Variants in SHMT1 observed in about 807,000 individuals in gnomAD.
SHMT1 encodes the protein serine hydroxymethyltransferase, cytosolic.
SHMT1 carries 45 observed loss-of-function variants against 49.0 expected under a neutral mutation model. That is an observed-to-expected ratio of 0.92 (90% CI 0.72 to 1.18). The LOEUF is 1.18. Ranked by LOEUF, SHMT1 falls within the 50% of genes most tolerant of loss-of-function variation. SHMT1 has a pLI of 0.00. For synonymous variants in SHMT1, 232 were observed against 246.6 expected (o/e 0.94, Z 0.55); for missense variants, 541 against 612.4 (o/e 0.88, Z 1.23).
intron 5 of SHMT1, chr17:18,341,679 A>G (rs1984539365): frequency 6.6e-6 from 1 of 152,362 alleles, no homozygotes; most frequent in African/African-American, 2.4e-5. Context: ...CAAAAAGTAT[A>G]TAAAAGCAAG....
chr17:18,350,838 T>A (rs1424313979), intron 3 of SHMT1, among the ~76,000 whole-genome samples: 4 of 151,342 alleles, frequency 2.6e-5, no homozygotes, highest in Non-Finnish European at 5.9e-5. Context: ...GTTCAAGCGA[T>A]TCTCCTACCT....
At chr17:18,339,622 A>G (rs1464410694) in intron 7 of SHMT1, among the ~76,000 whole-genome samples, 1 of 151,102 alleles carries the variant, frequency 6.6e-6, no homozygotes, top group Non-Finnish European at 1.5e-5. Flanking sequence ...GTACAGTGGC[A>G]CAATCTCAGC....
intron 5 of SHMT1, among the ~76,000 whole-genome samples, chr17:18,346,167 C>G (rs1262735385): frequency 6.6e-6 from 1 of 152,072 alleles, no homozygotes; most frequent in Non-Finnish European, 1.5e-5. Flanking sequence ...GAACCATGGA[C>G]AGCATGCACC....
At chr17:18,339,804 C>A (rs1278868372) in intron 7 of SHMT1, among the ~76,000 whole-genome samples, 2 of 152,194 alleles carry the variant, frequency 1.3e-5, no homozygotes, top group Non-Finnish European at 2.9e-5. Context: ...TCGTGATCTG[C>A]CCGCTTCGGC....
chr17:18,340,238 G>A lies in SHMT1; in HGVS notation c.619C>T (p.Arg207Ter), dbSNP rs748683840. 10 of 1,613,958 alleles carry A rather than the reference G, an allele frequency of 6.2e-6. No individual in the cohort carries two copies. The East Asian group carries it at 6.7e-5, about 11-fold the overall frequency. ...CGTAGCCGGGCATATTCCAGGTTTC[G>A]GGAGTAGCAGCTGGTTCCTGAGACA... ...LIIAGTSCYS[R>*]NLEYARLRKI... The change falls in exon 7 of 12, where the codon CGA becomes TGA. Residue 207 changes from arginine to a stop codon, truncating the protein, a stop_gained. Transcript: ENST00000316694. LOFTEE classifies it high-confidence loss of function. This position sits in a 1 kb window ranked among gnomAD's most constrained non-coding sequence, Gnocchi z 4.5.
Position 18,328,357 on chromosome 17 carries a change from T to C in SHMT1, c.*393A>G, listed in dbSNP as rs1175003622. ...GGGCAGTGTGTACAAGCTGTGGACA[T>C]GGGCATTTCCTCTCTGTTGCAGCAA... On this transcript the variant is annotated 3_prime_UTR_variant, in exon 12 of 12. Coordinates refer to ENST00000316694, the MANE Select transcript of SHMT1 (RefSeq NM_004169.5). The C allele has an allele frequency of 1.7e-5, 5 of 287,446 alleles. No individual in the cohort carries two copies. The highest frequency in any genetic ancestry group is 9.1e-5 in the East Asian group (1 of 10,934). The allele number at this position is 287,446 out of a possible 1,614,324, so 17.8% of individuals were successfully genotyped here. A position where few individuals can be genotyped will look rare whatever the true frequency, so the allele number is the denominator to read the frequency against.
At chr17:18,361,298 C>CAAAAAA (rs57119291) in intron 1 of SHMT1, among the ~76,000 whole-genome samples, 11 of 97,838 alleles carry the variant, frequency 1.1e-4, no homozygotes, top group Non-Finnish European at 1.6e-4. Context: ...GACTCTGTCT[C>CAAAAAA]AAAAAAAAAA....
chr17:18,339,340 G>GT, intron 7 of SHMT1, among the ~76,000 whole-genome samples: 1 of 152,298 alleles, frequency 6.6e-6, no homozygotes, highest in East Asian at 1.9e-4. Flanking sequence ...ATGGATCACT[G>GT]TAAGTTCACC....
In SHMT1 at chr17:18,329,363, A is replaced by G. The variant is rs1264339006; in HGVS notation, c.1197T>C (p.Ser399=). The change falls in exon 11 of 12, where the codon AGT becomes AGC. Residue 399 remains serine, a synonymous_variant. Coordinates refer to ENST00000316694, the MANE Select transcript of SHMT1 (RefSeq NM_004169.5). Reference sequence around the variant, plus strand: ...GTGCTGGGGTCCCCAGCCGCAGTCCACTGGGCCGCAGAGCGCTTCTGTCAC... The same window carrying G: ...GTGCTGGGGTCCCCAGCCGCAGTCCGCTGGGCCGCAGAGCGCTTCTGTCAC... The part of the protein sequence containing the change: ...CPGDRSALRP[S]GLRLGTPALT... The G allele has an allele frequency of 6.2e-7, 1 of 1,612,902 alleles. No individual in the cohort carries two copies. Among genetic ancestry groups the G allele is most frequent in the Non-Finnish European group, 8.5e-7 (1 of 1,179,978 alleles).
chr17:18,334,764 G>A (rs1361201279), intron 8 of SHMT1, among the ~76,000 whole-genome samples: 1 of 152,202 alleles, frequency 6.6e-6, no homozygotes, highest in Non-Finnish European at 1.5e-5. Context: ...ACTGGAAAGG[G>A]CGTCCAGAGC....
intron 5 of SHMT1, among the ~76,000 whole-genome samples, chr17:18,346,370 C>T (rs59282356): frequency 1.3e-5 from 2 of 152,200 alleles, no homozygotes; most frequent in Admixed American, 6.5e-5. Context: ...CATTATCCTT[C>T]GTTTTTATAG....
chr17:18,331,441 A>G (rs1242131705), intron 9 of SHMT1: 1 of 156,258 alleles, frequency 6.4e-6, no homozygotes, highest in Non-Finnish European at 1.4e-5. Flanking sequence ...CAAAAAGACC[A>G]ATAATTCACA....
intron 8 of SHMT1, 28 bp downstream of exon 8, chr17:18,335,531 G>T: frequency 6.7e-7 from 1 of 1,482,048 alleles, no homozygotes; most frequent in Non-Finnish European, 9.4e-7. Flanking sequence ...AGGGGCTACA[G>T]GATGAGCAGA....
At chr17:18,333,436 GAT>G (rs1983453337) in intron 8 of SHMT1, 148 bp from the exon 9 acceptor site, 1 of 471,184 alleles carries the variant, frequency 2.1e-6, no homozygotes, top group Non-Finnish European at 3.4e-6. Context: ...CCTCCAAAAT[GAT>G]ATATTTTTAA....
At chr17:18,342,783 C>T (rs1361680339) in intron 5 of SHMT1, among the ~76,000 whole-genome samples, 1 of 151,068 alleles carries the variant, frequency 6.6e-6, no homozygotes, top group Non-Finnish European at 1.5e-5. Flanking sequence ...TAAACATTCA[C>T]AAATTAGCCA....
chr17:18,341,744 A>C (rs1984547568), intron 5 of SHMT1: 1 of 152,332 alleles, frequency 6.6e-6, no homozygotes, highest in African/African-American at 2.4e-5. Flanking sequence ...AATCATACCA[A>C]ACCTTTACAC....
intron 3 of SHMT1, among the ~76,000 whole-genome samples, chr17:18,349,448 G>A (rs1397591729): frequency 6.6e-6 from 1 of 152,094 alleles, no homozygotes; most frequent in East Asian, 1.9e-4. Context: ...ACTACATGCA[G>A]TGGCTCATGT....
intron 3 of SHMT1, chr17:18,348,727 C>A: frequency 1.8e-6 from 1 of 541,832 alleles, no homozygotes; most frequent in East Asian, 5.0e-5. Context: ...ATAATCCCAG[C>A]ACTTTGAGGA....
intron 5 of SHMT1, among the ~76,000 whole-genome samples, chr17:18,345,181 C>G (rs1294359604): frequency 1.3e-5 from 2 of 152,248 alleles, no homozygotes; most frequent in Non-Finnish European, 2.9e-5. Flanking sequence ...CCCCTCACTG[C>G]ACCCACAGGA....
Sources: gnomAD v4.1 joint callset for allele counts (sites outside exome capture counted in the v4.1 genomes callset) on GRCh38, gnomAD v4.1.1 for gene constraint, Gnocchi (gnomAD v3.1) non-coding constraint, MANE v1.5 for transcripts, NCBI Gene and HGNC (gene_info 2026-07-23, HGNC 2026-07-21) for gene names.